SUZ12: variants seen among roughly 807,000 people sequenced by gnomAD.
SUZ12 encodes the protein SUZ12 polycomb repressive complex 2 subunit.
SUZ12 carries 17 observed loss-of-function variants against 87.3 expected under a neutral mutation model. That is an observed-to-expected ratio of 0.19 (90% CI 0.13 to 0.29). The LOEUF is 0.29. Ranked by LOEUF, SUZ12 falls within the 10% of genes least tolerant of loss-of-function variation. The pLI is 1.00. For missense variants in SUZ12, 526 were observed against 912.2 expected, an observed-to-expected ratio of 0.58 and a Z score of 5.45; for synonymous variants, 253 against 312.4, an observed-to-expected ratio of 0.81 and a Z score of 2.01.
chr17:31,975,393 T>G, intron 6 of SUZ12, 89 bp from the exon 7 acceptor site: 1 of 885,730 alleles, frequency 1.1e-6, no homozygotes, highest in Non-Finnish European at 1.6e-6. Flanking sequence ...CTATCTCCCG[T>G]GTTTCCTATA....
chr17:31,980,174 A>AT (rs144679583), intron 8 of SUZ12, among the ~76,000 whole-genome samples: 4,600 of 151,612 alleles, frequency 0.03, 244 homozygotes, highest in African/African-American at 0.11. Context: ...GAAAAAAAAA[A>AT]TTTTTTTAAA....
At chr17:31,974,694 C>T (rs187412848) in intron 6 of SUZ12, among the ~76,000 whole-genome samples, 11 of 151,994 alleles carry the variant, frequency 7.2e-5, no homozygotes, top group Admixed American at 5.2e-4. Flanking sequence ...ATCTCCGGAG[C>T]GTAAGACCTG....
At chr17:31,971,874 G>A (rs1275067765) in intron 5 of SUZ12, among the ~76,000 whole-genome samples, 1 of 152,162 alleles carries the variant, frequency 6.6e-6, no homozygotes, top group Non-Finnish European at 1.5e-5. Flanking sequence ...CAGCTACTTA[G>A]GAGGCTTAAA....
intron 4 of SUZ12, among the ~76,000 whole-genome samples, chr17:31,951,643 AT>A (rs1219873110): frequency 2.0e-5 from 3 of 151,244 alleles, no homozygotes; most frequent in Admixed American, 2.0e-4. Context: ...CGCCTGGCTA[AT>A]TTTTTGTATT....
intron 5 of SUZ12, among the ~76,000 whole-genome samples, chr17:31,967,960 C>A (rs1908197186): frequency 6.6e-6 from 1 of 152,154 alleles, no homozygotes; most frequent in Non-Finnish European, 1.5e-5. Flanking sequence ...TGAGGCTTGC[C>A]TGGGCAACAT....
intron 4 of SUZ12, among the ~76,000 whole-genome samples, chr17:31,962,310 G>A (rs1486135142): frequency 6.6e-6 from 1 of 152,014 alleles, no homozygotes; most frequent in Non-Finnish European, 1.5e-5. Context: ...CCTTAAACAG[G>A]CCAGGCGCAG....
chr17:31,998,205 G>T (rs1345367400), intron 15 of SUZ12, among the ~76,000 whole-genome samples: 1 of 151,652 alleles, frequency 6.6e-6, no homozygotes, highest in Non-Finnish European at 1.5e-5. Flanking sequence ...TCAGCCTCCG[G>T]AGCCGCTGGG....
intron 4 of SUZ12, among the ~76,000 whole-genome samples, chr17:31,958,145 G>A (rs1267381068): frequency 1.3e-5 from 2 of 150,796 alleles, no homozygotes; most frequent in Non-Finnish European, 3.0e-5. Flanking sequence ...CTCATGATCC[G>A]CCCACCTCAG....
intron 1 of SUZ12, 60 bp from the exon 2 acceptor site, chr17:31,940,226 T>C: frequency 6.4e-7 from 1 of 1,571,218 alleles, no homozygotes; most frequent in Non-Finnish European, 8.6e-7. Flanking sequence ...ATGGTCTCGG[T>C]TGATATTTTT....
At chr17:31,988,639 C>A in intron 10 of SUZ12, 142 bp downstream of exon 10, 1 of 851,640 alleles carries the variant, frequency 1.2e-6, no homozygotes, top group Non-Finnish European at 1.7e-6. Context: ...GTTGCCCAGG[C>A]AGGAGTGCAG....
rs572798274 is a variant in SUZ12, at chr17:31,988,649, G to A, written c.1201+152G>A. On this transcript the variant is annotated intron_variant, in intron 10 of 15. Transcript: ENST00000322652. ...GCTCTGTTGCCCAGGCAGGAGTGCA[G>A]TAGCGTGATTTCGGCTCACTGCAAC... is the stretch of plus-strand genomic sequence containing the variant. 2.6e-4 allele frequency: 210 copies of A among 802,104 alleles called. 1 individual carries two copies. In the East Asian group the frequency reaches 6.2e-3, roughly 24 times the overall value. The allele number at this position is 802,104 out of a possible 1,614,324, so 49.7% of individuals were successfully genotyped here.
intron 14 of SUZ12, 100 bp downstream of exon 14, chr17:31,995,862 T>TAAAAAA: frequency 1.4e-6 from 1 of 701,232 alleles, no homozygotes; most frequent in Non-Finnish European, 2.2e-6. Context: ...GAACTTTTTT[T>TAAAAAA]AAAAAAAAAA....
At chr17:31,952,996 C>G (rs1435572289) in intron 4 of SUZ12, among the ~76,000 whole-genome samples, 1 of 152,186 alleles carries the variant, frequency 6.6e-6, no homozygotes, top group Non-Finnish European at 1.5e-5. Flanking sequence ...CAAAATGTCA[C>G]TTCTCTCTTG....
At chr17:31,946,165 C>T (rs954098437) in intron 3 of SUZ12, among the ~76,000 whole-genome samples, 3 of 152,144 alleles carry the variant, frequency 2.0e-5, no homozygotes, top group African/African-American at 7.2e-5. Flanking sequence ...CAATTCTGCT[C>T]TAATATCAGT....
In SUZ12 at chr17:31,941,125, T is replaced by C. The variant is rs1365646182; in HGVS notation, c.386+639T>C. Among the ~76,000 whole-genome samples, 3 of 152,090 alleles carry C rather than the reference T, an allele frequency of 2.0e-5. No homozygotes were observed. In the East Asian group the frequency reaches 5.8e-4, roughly 29 times the overall value. On this transcript the variant is annotated intron_variant, in intron 3 of 15. Transcript: ENST00000322652. ...TCTTTTTTTGTTTGTTTGTTTTTTT[T>C]TGAGACAGAGTGTCTGTCCAGGTTG...
intron 8 of SUZ12, among the ~76,000 whole-genome samples, chr17:31,981,952 T>C (rs1182975500): frequency 6.6e-6 from 1 of 152,202 alleles, no homozygotes; most frequent in Non-Finnish European, 1.5e-5. Context: ...TTTTACCTAA[T>C]AGAATTTCTC....
rs1259138313 is a variant in SUZ12 at position 31,999,595 on chromosome 17, C to T, written c.*592C>T. 1 of 231,318 alleles carries T rather than the reference C, an allele frequency of 4.3e-6. No individual in the cohort carries two copies. The highest frequency in any genetic ancestry group is 8.5e-6 in the Non-Finnish European group (1 of 117,026). 14.3% of individuals were successfully genotyped at this position (231,318 alleles called of 1,614,324 possible). ...TTTTACATTACATAAGTTCCTTTTA[C>T]AATTAAAAAATAGCACTTCTTCATC... is the stretch of plus-strand genomic sequence containing the variant. On this transcript the variant is annotated 3_prime_UTR_variant, in exon 16 of 16. Coordinates refer to ENST00000322652, the MANE Select transcript of SUZ12 (RefSeq NM_015355.4).
At chr17:31,941,782 G>A (rs1490688349) in intron 3 of SUZ12, among the ~76,000 whole-genome samples, 2 of 149,634 alleles carry the variant, frequency 1.3e-5, no homozygotes, top group South Asian at 2.2e-4. Context: ...ATCTCCTGAC[G>A]TCAGGATCCG....
At position 31,994,676 on chromosome 17, in the gene SUZ12, A is replaced by G. The variant is rs142366304; in HGVS notation, c.1550A>G (p.Asn517Ser). ...CAACCTGGATTTGCTTTTAGTCGCA[A>G]CGGACCAGTTAAGAGAACACCTATC... is the stretch of plus-strand genomic sequence containing the variant. The part of the protein sequence containing the change: ...HRQPGFAFSR[N>S]GPVKRTPITH... Residue 517 changes from asparagine (N) to serine (S), a missense_variant, in exon 13 of 16, where the codon AAC becomes AGC. Asn to Ser is a conservative substitution (Grantham distance 46). Around this residue, in one of 9 missense-constraint regions of SUZ12, gnomAD observed 143 missense variants for 321.6 expected, o/e 0.44. Coordinates refer to ENST00000322652, the MANE Select transcript of SUZ12 (RefSeq NM_015355.4). 1.4e-5 allele frequency: 22 copies of G among 1,614,028 alleles called. No individual in the cohort carries two copies. Among genetic ancestry groups the G allele is most frequent in the African/African-American group, 4.0e-5 (3 of 74,936 alleles).
Sources: gnomAD v4.1 joint callset for allele counts (sites outside exome capture counted in the v4.1 genomes callset) on GRCh38, gnomAD v4.1.1 for gene constraint, gnomAD v4.1.1 regional missense constraint, MANE v1.5 for transcripts, NCBI Gene and HGNC (gene_info 2026-07-23, HGNC 2026-07-21) for gene names.